Variants in CA10 observed in about 807,000 individuals in gnomAD.
The protein encoded by CA10 is carbonic anhydrase 10 (inactive).
A neutral mutation model predicts 44.2 loss-of-function variants in CA10; 14 were observed. The ratio of observed to expected loss-of-function variants is 0.32; its 90% confidence interval spans 0.21 to 0.50. The LOEUF is 0.50. Among genes scored for constraint, CA10 ranks in the 20% least tolerant of loss-of-function variants. The pLI is 0.99. For missense variants in CA10, 350 were observed against 409.7 expected (o/e 0.85, Z 1.26); for synonymous variants, 159 against 141.6 (o/e 1.12, Z -0.87).
chr17:51,743,059 G>A (rs1904526489), intron 4 of CA10, among the ~76,000 whole-genome samples: 1 of 152,244 alleles, frequency 6.6e-6, no homozygotes, highest in Admixed American at 6.5e-5. Context: ...CCACCACATG[G>A]CAGAAGCACA....
At chr17:52,095,020 A>G (rs1242374836) in intron 1 of CA10, among the ~76,000 whole-genome samples, 1 of 152,196 alleles carries the variant, frequency 6.6e-6, no homozygotes, top group Non-Finnish European at 1.5e-5. Flanking sequence ...CATGTACAAG[A>G]ATGTTTACAT....
rs183960189 is a variant in CA10, at chr17:51,854,551, G to A, written c.279+76439C>T. Among the ~76,000 whole-genome samples, 15 of 152,250 alleles carry A rather than the reference G, an allele frequency of 9.9e-5. No homozygotes were observed. In the East Asian group the frequency reaches 2.5e-3, roughly 26 times the overall value. On this transcript the variant is annotated intron_variant, in intron 3 of 8. Transcript: ENST00000451037. ...ACTTGGATGAAGAGATGAGATGGCCGAGGAGTCACTTCCTAATGAAAGCAG... is the reference window on the plus strand; with the variant it reads ...ACTTGGATGAAGAGATGAGATGGCCAAGGAGTCACTTCCTAATGAAAGCAG...
At chr17:51,731,406 T>C (rs1224253503) in intron 4 of CA10, among the ~76,000 whole-genome samples, 1 of 152,116 alleles carries the variant, frequency 6.6e-6, no homozygotes, top group Non-Finnish European at 1.5e-5. Flanking sequence ...TGGATTCTGG[T>C]CAATGAGTAA....
At chr17:51,686,488 T>A (rs1241144575) in intron 4 of CA10, among the ~76,000 whole-genome samples, 2 of 152,094 alleles carry the variant, frequency 1.3e-5, no homozygotes, top group Non-Finnish European at 2.9e-5. Flanking sequence ...GACCTCTCCC[T>A]AGCTTAGATC....
At chr17:51,749,970 C>A (rs1187080296) in intron 3 of CA10, among the ~76,000 whole-genome samples, 2 of 152,152 alleles carry the variant, frequency 1.3e-5, no homozygotes, top group Admixed American at 1.3e-4. Context: ...TCCTTGCAAC[C>A]AAATGATCCA....
intron 3 of CA10, among the ~76,000 whole-genome samples, chr17:51,920,151 A>C (rs1433581005): frequency 2.0e-5 from 3 of 152,132 alleles, no homozygotes; most frequent in Non-Finnish European, 4.4e-5. Flanking sequence ...GATAACTTGA[A>C]TTTTCTCTCA....
intron 3 of CA10, among the ~76,000 whole-genome samples, chr17:51,850,632 G>A (rs868533307): frequency 1.3e-5 from 2 of 152,178 alleles, no homozygotes; most frequent in African/African-American, 2.4e-5. Flanking sequence ...AAGCGTTTGA[G>A]TTACATGTGG....
intron 4 of CA10, among the ~76,000 whole-genome samples, chr17:51,699,652 C>T (rs889497220): frequency 1.3e-5 from 2 of 152,152 alleles, no homozygotes; most frequent in Non-Finnish European, 2.9e-5. Flanking sequence ...ACTGCTGTTC[C>T]CTTTGACAGT....
intron 4 of CA10, among the ~76,000 whole-genome samples, chr17:51,723,607 G>A (rs1408831752): frequency 3.3e-5 from 5 of 152,086 alleles, no homozygotes; most frequent in Admixed American, 3.3e-4. Flanking sequence ...TGGTCTCTGG[G>A]GAAGCTTTTT....
chr17:51,635,913 C>G lies in CA10; in HGVS notation c.731G>C (p.Cys244Ser). 6.2e-7 allele frequency: 1 copy of G among 1,609,104 alleles called. No homozygotes were observed. The highest frequency in any genetic ancestry group is 1.1e-5 in the South Asian group (1 of 90,386). The change falls in exon 7 of 9, where the codon TGC becomes TCC. Residue 244 changes from cysteine (C) to serine (S), a missense_variant. Coordinates refer to ENST00000451037, the MANE Select transcript of CA10 (RefSeq NM_020178.5). ...TYDGSMTIPP[C>S]YETASWIIMN... ...TATGATCCAACTTGCTGTCTCATAG[C>G]AGGGTGGGATAGTCATCGACCCATC...
At chr17:51,723,263 C>T (rs1916408896) in intron 4 of CA10, among the ~76,000 whole-genome samples, 1 of 152,192 alleles carries the variant, frequency 6.6e-6, no homozygotes, top group Non-Finnish European at 1.5e-5. Context: ...AGAACTTGAA[C>T]TGTGACAGGG....
chr17:52,049,666 T>C (rs373892038), intron 2 of CA10, among the ~76,000 whole-genome samples: 1 of 152,142 alleles, frequency 6.6e-6, no homozygotes, highest in Admixed American at 6.6e-5. Context: ...GCTATAAATA[T>C]CATTTGTATG....
At chr17:51,702,959 T>C (rs1915648418) in intron 4 of CA10, among the ~76,000 whole-genome samples, 1 of 152,174 alleles carries the variant, frequency 6.6e-6, no homozygotes, top group Non-Finnish European at 1.5e-5. Flanking sequence ...GAATGGTCTT[T>C]TTGTAATACA....
At chr17:52,096,653 T>C (rs879787395) in intron 1 of CA10, among the ~76,000 whole-genome samples, 94 of 152,178 alleles carry the variant, frequency 6.2e-4, no homozygotes, top group Non-Finnish European at 2.8e-4. Flanking sequence ...ATTGATATTT[T>C]GCTAAATGTA....
At chr17:51,664,557 CAAAA>C (rs11367609) in intron 4 of CA10, among the ~76,000 whole-genome samples, 1 of 137,142 alleles carries the variant, frequency 7.3e-6, no homozygotes. Context: ...ATGAAGTATA[CAAAA>C]AAAAAAAAAA....
intron 2 of CA10, among the ~76,000 whole-genome samples, chr17:51,941,543 T>C (rs1028462376): frequency 1.3e-5 from 2 of 152,100 alleles, no homozygotes; most frequent in African/African-American, 4.8e-5. Context: ...TGCATGTCAA[T>C]AAACCAGCCC....
intron 1 of CA10, among the ~76,000 whole-genome samples, chr17:52,142,764 C>T (rs1252828957): frequency 6.6e-6 from 1 of 151,976 alleles, no homozygotes. Context: ...TCCTCACAAC[C>T]TCCTCAGGCC....
intron 4 of CA10, among the ~76,000 whole-genome samples, chr17:51,741,106 G>C (rs1173725234): frequency 6.6e-6 from 1 of 152,214 alleles, no homozygotes; most frequent in African/African-American, 2.4e-5. Flanking sequence ...CTGGATGAAT[G>C]AATGAAGGTA....
At chr17:51,975,198 AAGG>A (rs1174354396) in intron 2 of CA10, among the ~76,000 whole-genome samples, 3 of 152,212 alleles carry the variant, frequency 2.0e-5, no homozygotes, top group South Asian at 2.1e-4. Context: ...GGAGGTAGAA[AAGG>A]AGAAGTTGAA....
Sources: allele counts gnomAD v4.1 joint callset (sites outside exome capture counted in the v4.1 genomes callset), GRCh38; gene constraint gnomAD v4.1.1; transcripts MANE v1.5; gene names NCBI Gene and HGNC (gene_info 2026-07-23, HGNC 2026-07-21).